Variants in SMAD9 observed in about 807,000 individuals in gnomAD.
SMAD9 encodes the protein MAD homolog 9.
A neutral mutation model predicts 46.1 loss-of-function variants in SMAD9; 36 were observed. The observed-to-expected ratio is 0.78, with a 90% CI of 0.60 to 1.03. SMAD9 has a LOEUF of 1.03. Among genes scored for constraint, SMAD9 ranks in the 50% least tolerant of loss-of-function variants. The pLI is 0.00. For missense variants in SMAD9, 572 were observed against 599.8 expected (o/e 0.95, Z 0.48); for synonymous variants, 245 against 237.1 (o/e 1.03, Z -0.31).
chr13:36,880,003 A>T, intron 1 of SMAD9, 128 bp from the exon 2 acceptor site: 3 of 399,378 alleles, frequency 7.5e-6, no homozygotes, highest in South Asian at 5.5e-5. Flanking sequence ...GCTCGAGCCC[A>T]GGAGGTCAAG....
intron 5 of SMAD9, among the ~76,000 whole-genome samples, chr13:36,860,131 C>G (rs1219222755): frequency 1.3e-5 from 2 of 152,118 alleles, no homozygotes; most frequent in Non-Finnish European, 2.9e-5. Context: ...TGTGAGAGAT[C>G]TAAGAACCTT....
intron 1 of SMAD9, among the ~76,000 whole-genome samples, chr13:36,882,611 G>A (rs1593593901): frequency 6.6e-6 from 1 of 152,148 alleles, no homozygotes; most frequent in East Asian, 1.9e-4. Flanking sequence ...TTGCATTGAG[G>A]GAGGCCCCAA....
chr13:36,860,827 T>C (rs894532287), intron 5 of SMAD9, among the ~76,000 whole-genome samples: 1 of 152,090 alleles, frequency 6.6e-6, no homozygotes, highest in African/African-American at 2.4e-5. Context: ...TTATTTGATA[T>C]GTCATTGTAG....
chr13:36,919,430 C>A (rs1399640065), intron 1 of SMAD9, among the ~76,000 whole-genome samples: 1 of 152,272 alleles, frequency 6.6e-6, no homozygotes, highest in East Asian at 1.9e-4. Flanking sequence ...CAAGCGCGAG[C>A]CCGGAGACAC....
chr13:36,900,685 AC>A, intron 1 of SMAD9, among the ~76,000 whole-genome samples: 1 of 2,364 alleles, frequency 4.2e-4, no homozygotes, highest in East Asian at 0.071. Flanking sequence ...CATTATGACT[AC>A]ACACACACAC....
chr13:36,914,391 T>C (rs1465849963), intron 1 of SMAD9, among the ~76,000 whole-genome samples: 1 of 152,076 alleles, frequency 6.6e-6, no homozygotes, highest in Non-Finnish European at 1.5e-5. Context: ...TGGTGGCAGG[T>C]GCCTGTAGTC....
intron 1 of SMAD9, among the ~76,000 whole-genome samples, chr13:36,900,151 G>T (rs2058561965): frequency 1.3e-5 from 2 of 152,092 alleles, no homozygotes; most frequent in Non-Finnish European, 2.9e-5. Context: ...AACATACCAA[G>T]TATGCAACTA....
Position 36,897,052 on chromosome 13 carries a change from T to TAAAACA in SMAD9, c.-186-17183_-186-17178dup, listed in dbSNP as rs1331901255. Among the ~76,000 whole-genome samples, 5 of 152,150 alleles carry TAAAACA rather than the reference T, an allele frequency of 3.3e-5. No homozygotes were observed. In the South Asian group the frequency reaches 8.3e-4, roughly 25 times the overall value. ...TTTTCAACAGCTTCAAAGTAACTGC[T>TAAAACA]AAAACAAAAACAAAAACAAAATCTG... is the stretch of plus-strand genomic sequence containing the variant. On this transcript the variant is annotated intron_variant, in intron 1 of 6. Transcript: ENST00000379826.
chr13:36,866,087 G>A (rs2058231580), intron 4 of SMAD9, among the ~76,000 whole-genome samples: 1 of 152,140 alleles, frequency 6.6e-6, no homozygotes, highest in Non-Finnish European at 1.5e-5. Flanking sequence ...CCTAAAGCAA[G>A]CACAGCTCAA....
chr13:36,877,604 C>G (rs1284728078), intron 2 of SMAD9, among the ~76,000 whole-genome samples: 1 of 151,924 alleles, frequency 6.6e-6, no homozygotes, highest in Admixed American at 6.6e-5. Flanking sequence ...TTGTTATAAG[C>G]TTAGACATTA....
At chr13:36,910,183 C>T (rs1422325150) in intron 1 of SMAD9, among the ~76,000 whole-genome samples, 5 of 148,900 alleles carry the variant, frequency 3.4e-5, no homozygotes, top group Admixed American at 2.0e-4. Context: ...GGGGACACAG[C>T]GAGACTCCGT....
intron 3 of SMAD9, among the ~76,000 whole-genome samples, chr13:36,868,664 T>C (rs1037932523): frequency 2.0e-5 from 3 of 152,132 alleles, no homozygotes; most frequent in Middle Eastern, 3.4e-3. Context: ...ACCCAGGAGT[T>C]TGAAGTTACA....
At chr13:36,853,291 T>TAAA in intron 6 of SMAD9, 128 bp downstream of exon 6, 1 of 843,398 alleles carries the variant, frequency 1.2e-6, no homozygotes, top group Non-Finnish European at 1.9e-6. Flanking sequence ...TCTCAAAAAA[T>TAAA]AATAATAATA....
intron 1 of SMAD9, among the ~76,000 whole-genome samples, chr13:36,887,086 T>G (rs1593599283): frequency 7.8e-6 from 1 of 128,388 alleles, no homozygotes; most frequent in African/African-American, 3.0e-5. Context: ...TCCAGGCTGG[T>G]CTTGAACTCC....
chr13:36,869,605 G>A (rs1221354984), intron 3 of SMAD9, among the ~76,000 whole-genome samples: 1 of 152,096 alleles, frequency 6.6e-6, no homozygotes, highest in African/African-American at 2.4e-5. Context: ...GGCCGAGGCG[G>A]GTGGATCACC....
chr13:36,882,055 G>GT lies in SMAD9; in HGVS notation c.-186-2181dup, dbSNP rs1465644065. On this transcript the variant is annotated intron_variant, in intron 1 of 6. Transcript: ENST00000379826. ...CCCTAAACCAGGTTTTGTTTGGTTC[G>GT]TTTTTTTAAACTGTGGGTTTCTATT... Among the ~76,000 whole-genome samples, 28 of 152,110 alleles carry GT rather than the reference G, an allele frequency of 1.8e-4. No homozygotes were observed. In the East Asian group the frequency reaches 4.8e-3, roughly 26 times the overall value.
At chr13:36,893,386 G>GTACA (rs1202977620) in intron 1 of SMAD9, among the ~76,000 whole-genome samples, 1 of 146,988 alleles carries the variant, frequency 6.8e-6, no homozygotes, top group Non-Finnish European at 1.5e-5. Flanking sequence ...AGAAACTATT[G>GTACA]TACATATATA....
intron 2 of SMAD9, among the ~76,000 whole-genome samples, chr13:36,874,953 A>G (rs1400960939): frequency 2.0e-5 from 3 of 151,342 alleles, no homozygotes; most frequent in East Asian, 1.9e-4. Context: ...TAGAGAGTCA[A>G]TGACATTATC....
rs1440021813 is a variant in SMAD9, at chr13:36,846,087, A to C, written c.*2589T>G. ...TGATCCTCCCGCCTTGGCCTCCCAA[A>C]GTGCTGGGACTATAGGAATGAGCCA... On this transcript the variant is annotated 3_prime_UTR_variant, in exon 7 of 7. Transcript: ENST00000379826. 1 of 152,048 alleles carries C rather than the reference A, an allele frequency of 6.6e-6. No individual in the cohort carries two copies. Among genetic ancestry groups the C allele is most frequent in the East Asian group, 1.9e-4 (1 of 5,152 alleles). The allele number at this position is 152,048 out of a possible 1,614,324, so 9.4% of individuals were successfully genotyped here.
Sources: gnomAD v4.1 joint callset for allele counts (sites outside exome capture counted in the v4.1 genomes callset) on GRCh38, gnomAD v4.1.1 for gene constraint, MANE v1.5 for transcripts, NCBI Gene and HGNC (gene_info 2026-07-23, HGNC 2026-07-21) for gene names.